The following LARP1B variants were observed in gnomAD, a reference collection of about 807,000 sequenced individuals.
LARP1B encodes La ribonucleoprotein 1B, also known as la-related protein 1B.
LARP1B carries 76 observed loss-of-function variants against 114.2 expected under a neutral mutation model. The observed-to-expected ratio is 0.67, with a 90% CI of 0.55 to 0.81. LARP1B has a LOEUF of 0.81. Ranked by LOEUF, LARP1B falls within the 30% of genes least tolerant of loss-of-function variation. The pLI is 0.00. For synonymous variants in LARP1B, 345 were observed against 348.0 expected (o/e 0.99, Z 0.10); for missense variants, 1,014 against 1,075.8 (o/e 0.94, Z 0.80).
intron 11 of LARP1B, among the ~76,000 whole-genome samples, chr4:128,152,207 ATT>A (rs35669651): frequency 1.4e-5 from 2 of 140,628 alleles, no homozygotes; most frequent in African/African-American, 2.6e-5. Flanking sequence ...TAAGATGGTG[ATT>A]TTTTTTTTTT....
intron 11 of LARP1B, chr4:128,155,872 G>T: frequency 6.4e-7 from 1 of 1,558,668 alleles, no homozygotes; most frequent in Non-Finnish European, 8.8e-7. Context: ...GGAGCGCCTG[G>T]AGCTGGTGCT....
rs114217337 is a variant in LARP1B at position 128,103,285 on chromosome 4, T to A, written c.814-3854T>A. Among the ~76,000 whole-genome samples the A allele has an allele frequency of 2.8e-3, 422 of 152,266 alleles. 2 individuals carry two copies. Among genetic ancestry groups the A allele is most frequent in the Middle Eastern group, 6.8e-3 (2 of 294 alleles). ...TGTTTCACTTTATGTGTTCTTCATT[T>A]CCCTTTTAAATTTATTATTTCTAAA... On this transcript the variant is annotated intron_variant, in intron 8 of 19. Transcript: ENST00000326639.
intron 12 of LARP1B, among the ~76,000 whole-genome samples, chr4:128,174,633 T>C (rs765633885): frequency 6.6e-6 from 1 of 152,064 alleles, no homozygotes; most frequent in Non-Finnish European, 1.5e-5. Context: ...GTAGGGAGAA[T>C]TGTTTAATGA....
intron 9 of LARP1B, chr4:128,107,564 T>A: frequency 7.3e-7 from 1 of 1,368,896 alleles, no homozygotes; most frequent in Non-Finnish European, 9.5e-7. Flanking sequence ...TTGTCATGTA[T>A]GGAGTTTCTA....
chr4:128,061,453 G>A, intron 1 of LARP1B, 52 bp downstream of exon 1: 1 of 158,672 alleles, frequency 6.3e-6, no homozygotes, highest in Non-Finnish European at 1.3e-5. Context: ...TGGCGGGCTC[G>A]GGGCGTGCGT....
intron 1 of LARP1B, among the ~76,000 whole-genome samples, chr4:128,063,065 TA>T (rs1412937038): frequency 6.6e-6 from 1 of 152,210 alleles, no homozygotes; most frequent in Admixed American, 6.5e-5. Context: ...TATGCCACTA[TA>T]TTTGAATGCT....
chr4:128,187,946 C>G (rs1007117798), intron 15 of LARP1B, among the ~76,000 whole-genome samples: 5 of 152,146 alleles, frequency 3.3e-5, no homozygotes, highest in Non-Finnish European at 7.4e-5. Context: ...GTGCTGCTCC[C>G]CCTGCCTTCC....
In LARP1B at chr4:128,222,593, C is replaced by G. The variant is rs959763077; in HGVS notation, n.1179C>G. 6.6e-4 allele frequency: 184 copies of G among 278,640 alleles called. 1 individual carries two copies. Among genetic ancestry groups the G allele is most frequent in the Admixed American group, 3.2e-3 (69 of 21,840 alleles). 17.3% of individuals were successfully genotyped at this position (278,640 alleles called of 1,614,324 possible). ...ACTTCAACAAAAATTTACCTCCCAC[C>G]AAGAGAAGTTGTCTTTATTGTGAGA... On this transcript the variant is annotated non_coding_transcript_exon_variant, in exon 8 of 8. Transcript: ENST00000503725.
At chr4:128,160,791 C>G (rs1213128771) in intron 11 of LARP1B, among the ~76,000 whole-genome samples, 1 of 152,118 alleles carries the variant, frequency 6.6e-6, no homozygotes, top group Non-Finnish European at 1.5e-5. Context: ...GATAAATATA[C>G]ATTTTGATGT....
chr4:128,103,141 T>C (rs986616497), intron 8 of LARP1B, among the ~76,000 whole-genome samples: 1 of 152,152 alleles, frequency 6.6e-6, no homozygotes, highest in African/African-American at 2.4e-5. Context: ...TAACTCATTG[T>C]TTAGGAGTTC....
chr4:128,133,055 C>T (rs891187795), intron 11 of LARP1B, among the ~76,000 whole-genome samples: 1 of 152,054 alleles, frequency 6.6e-6, no homozygotes, highest in Non-Finnish European at 1.5e-5. Flanking sequence ...ATCTGGCAGA[C>T]GGTGGAGCTC....
intron 7 of LARP1B, among the ~76,000 whole-genome samples, chr4:128,097,081 A>G (rs1161787157): frequency 1.3e-5 from 2 of 151,504 alleles, no homozygotes; most frequent in African/African-American, 4.9e-5. Context: ...GTATTTTAGT[A>G]GAGATGGGGT....
intron 11 of LARP1B, among the ~76,000 whole-genome samples, chr4:128,133,826 A>G (rs1792335998): frequency 1.3e-5 from 2 of 151,940 alleles, no homozygotes; most frequent in Admixed American, 6.6e-5. Flanking sequence ...CCTCTCGAGT[A>G]GCTGGGACTA....
chr4:128,136,587 G>A (rs1324624554), intron 11 of LARP1B, among the ~76,000 whole-genome samples: 2 of 152,088 alleles, frequency 1.3e-5, no homozygotes, highest in African/African-American at 4.8e-5. Context: ...AAGTAAACAA[G>A]GCATAATCAG....
At position 128,069,795 on chromosome 4, in the gene LARP1B, T is replaced by A. The variant is rs148203229; in HGVS notation, c.-77-4665T>A. 6.3e-3 allele frequency among the ~76,000 whole-genome samples: 960 copies of A among 152,298 alleles called. 14 individuals carry two copies. Among genetic ancestry groups the A allele is most frequent in the African/African-American group, 0.021 (893 of 41,564 alleles). ...AATATGATGTTTAAAAAATACTGAT[T>A]TTTTTCTGTCTTTTTTATTCTTATT... On this transcript the variant is annotated intron_variant, in intron 1 of 19. Transcript: ENST00000326639.
intron 11 of LARP1B, among the ~76,000 whole-genome samples, chr4:128,133,405 AT>A (rs1202551933): frequency 6.6e-6 from 1 of 152,240 alleles, no homozygotes; most frequent in Admixed American, 6.5e-5. Flanking sequence ...GGATGACTTA[AT>A]ATTATTAACA....
At chr4:128,073,077 T>A (rs1204432686) in intron 1 of LARP1B, among the ~76,000 whole-genome samples, 1 of 152,158 alleles carries the variant, frequency 6.6e-6, no homozygotes, top group Non-Finnish European at 1.5e-5. Flanking sequence ...AATTCTTTTA[T>A]TAAAAGTTAT....
chr4:128,185,465 A>T (rs1172068222), intron 15 of LARP1B, among the ~76,000 whole-genome samples: 2 of 150,890 alleles, frequency 1.3e-5, no homozygotes, highest in Non-Finnish European at 3.0e-5. Flanking sequence ...CCTGTTGTCC[A>T]GTTGATGTCT....
At chr4:128,177,352 CA>C (rs1275881034) in intron 13 of LARP1B, among the ~76,000 whole-genome samples, 1 of 151,858 alleles carries the variant, frequency 6.6e-6, no homozygotes, top group Non-Finnish European at 1.5e-5. Context: ...AGTGAAAAAA[CA>C]AAAAGTTGTT....
Sources: gnomAD v4.1 joint callset for allele counts (sites outside exome capture counted in the v4.1 genomes callset) on GRCh38, gnomAD v4.1.1 for gene constraint, MANE v1.5 for transcripts, NCBI Gene and HGNC (gene_info 2026-07-23, HGNC 2026-07-21) for gene names.